The following GEMIN5 variants were observed in gnomAD, a reference collection of about 807,000 sequenced individuals.
The protein encoded by GEMIN5 is gem nuclear organelle associated protein 5, also known as gem-associated protein 5.
A neutral mutation model predicts 176.9 loss-of-function variants in GEMIN5; 124 were observed. The ratio of observed to expected loss-of-function variants is 0.70; its 90% CI spans 0.61 to 0.81. The LOEUF is 0.81. GEMIN5 is among the 40% of genes least tolerant of loss of function. The probability of loss-of-function intolerance (pLI) is 0.00; values close to 1 mark genes in which losing one functional copy is unlikely to be tolerated. For synonymous variants in GEMIN5, 673 were observed against 665.2 expected, an observed-to-expected ratio of 1.01 and a Z score of -0.18; for missense variants, 1,843 against 1,814.6, an observed-to-expected ratio of 1.02 and a Z score of -0.28.
At position 154,937,972 on chromosome 5, in the gene GEMIN5, A is replaced by C. The variant is rs1399801803; in HGVS notation, c.162T>G (p.Phe54Leu). The C allele has an allele frequency of 1.9e-6, 3 of 1,573,436 alleles. No homozygotes were observed. The highest frequency in any genetic ancestry group is 2.6e-6 in the Non-Finnish European group (3 of 1,162,220). Residue 54 changes from phenylalanine to leucine, a missense_variant, in exon 1 of 28, where the codon TTT (phenylalanine) becomes TTG (leucine). Phe to Leu is a conservative substitution (Grantham distance 22). Transcript: ENST00000285873. ...GAGESPGTPPFRVIGELVGHT... is the reference protein window; with the variant it reads ...GAGESPGTPPLRVIGELVGHT... ...GGCCCAAGGGTGGTGAGTTACCTCG[A>C]AACGGGGGTGTCCCTGGACTCTCGC... is the stretch of plus-strand genomic sequence containing the variant.
Position 154,937,198 on chromosome 5 carries a change from C to T in GEMIN5, c.167-13G>A. ...AACTCTCCTATGACTTTAAGCAAAA[C>T]CAGACGCTAGGTTAATCGAAGTGCT... On this transcript the variant is annotated splice_polypyrimidine_tract_variant and intron_variant, in intron 1 of 27. Transcript: ENST00000285873. 2 of 1,588,340 alleles carry T rather than the reference C, an allele frequency of 1.3e-6. No individual in the cohort carries two copies. The highest frequency in any genetic ancestry group is 1.1e-5 in the South Asian group (1 of 88,658).
At chr5:154,917,624 C>A (rs1156773927) in intron 12 of GEMIN5, among the ~76,000 whole-genome samples, 1 of 152,118 alleles carries the variant, frequency 6.6e-6, no homozygotes, top group Non-Finnish European at 1.5e-5. Flanking sequence ...AAAAGCATTT[C>A]TGACTAGGCT....
rs561853367 is a variant in GEMIN5, at chr5:154,898,421, G to A, written c.3345+19C>T. On this transcript the variant is annotated intron_variant, in intron 23 of 27. Transcript: ENST00000285873. Reference sequence around the variant, plus strand: ...GACACTTCCCTCTTGTATACTAGGAGATGAAATAACAGACTGACCTGTAGA... The same window carrying A: ...GACACTTCCCTCTTGTATACTAGGAAATGAAATAACAGACTGACCTGTAGA... The A allele has an allele frequency of 7.6e-6, 12 of 1,588,668 alleles. No homozygotes were observed. The East Asian group carries it at 2.2e-4, about 30-fold the overall frequency.
intron 22 of GEMIN5, 35 bp from the exon 23 acceptor site, chr5:154,898,685 C>A (rs1763407132): frequency 6.8e-7 from 1 of 1,472,322 alleles, no homozygotes; most frequent in Non-Finnish European, 9.5e-7. Flanking sequence ...GAAAATGTCA[C>A]AAACAGATTT....
At chr5:154,894,702 C>T (rs1470724585) in intron 24 of GEMIN5, among the ~76,000 whole-genome samples, 1 of 151,928 alleles carries the variant, frequency 6.6e-6, no homozygotes, top group Non-Finnish European at 1.5e-5. Flanking sequence ...GTCAGGAGTT[C>T]GAGACCAGCC....
At chr5:154,908,116 T>C (rs1018018649) in intron 15 of GEMIN5, among the ~76,000 whole-genome samples, 5 of 148,902 alleles carry the variant, frequency 3.4e-5, no homozygotes, top group Admixed American at 2.7e-4. Flanking sequence ...CACGATTCAC[T>C]ACTGCCACCT....
rs200453473 is a variant in GEMIN5, at chr5:154,891,257, T to G, written c.4246A>C (p.Ser1416Arg). 3.7e-4 allele frequency: 605 copies of G among 1,613,416 alleles called. 9 individuals are homozygous for G. In the South Asian group the frequency reaches 6.0e-3, roughly 16 times the overall value. Residue 1416 changes from serine (S) to arginine (R), a missense_variant, in exon 26 of 28, where the codon AGT becomes CGT. Transcript: ENST00000285873. ...PEVEAEQPLC[S>R]SQSQCKEEKN... ...AGTACTTACCACTGGCTCTGAGAAC[T>G]GCAGAGGGGCTGCTCTGCTTCTACT...
Position 154,928,643 on chromosome 5 carries a change from T to C in GEMIN5, c.798A>G (p.Lys266=). 1 of 1,614,006 alleles carries C rather than the reference T, an allele frequency of 6.2e-7. No individual in the cohort carries two copies. Among genetic ancestry groups the C allele is most frequent in the African/African-American group, 1.3e-5 (1 of 75,014 alleles). The stretch of plus-strand genomic sequence containing the variant: ...CTCCTCTTCTCTTCAGAAAGGGCAA[T>C]TTCAAAATCATCACCCCTGCAGATT... ...CSRGRGVMIL[K]LPFLKRRGGG... is the part of the protein sequence containing the mutation. The change falls in exon 6 of 28, where the codon AAA becomes AAG. Residue 266 remains lysine (K), a synonymous_variant. Coordinates refer to ENST00000285873, the MANE Select transcript of GEMIN5 (RefSeq NM_015465.5).
chr5:154,906,292 G>A lies in GEMIN5; in HGVS notation c.2396-816C>T, dbSNP rs535312664. Among the ~76,000 whole-genome samples, 69 of 152,216 alleles carry A rather than the reference G, an allele frequency of 4.5e-4. 1 individual carries two copies. The highest frequency in any genetic ancestry group is 1.4e-3 in the African/African-American group (59 of 41,534). ...ATTACAGGCATGAACCACCATGCCC[G>A]CCTTACTTTGAACTTTGACTAAGGA... On this transcript the variant is annotated intron_variant, in intron 16 of 27. Transcript: ENST00000285873.
In GEMIN5 at chr5:154,904,543, C is replaced by T. The variant is rs555023335; in HGVS notation, c.2596G>A (p.Asp866Asn). The change falls in exon 18 of 28, where the codon GAC (aspartate) becomes AAC (asparagine). Residue 866 changes from aspartate to asparagine, a missense_variant. Asp to Asn is a conservative substitution (Grantham distance 23). Coordinates refer to ENST00000285873, the MANE Select transcript of GEMIN5 (RefSeq NM_015465.5). ...TTTGCAGTTGCTAGTACCAAACAGT[C>T]CTGATGAAGCTCCTCTTTGGATCTG... is the stretch of plus-strand genomic sequence containing the variant. The part of the protein sequence containing the change: ...DHRSKEELHQ[D>N]CLVLATAKHS... The T allele has an allele frequency of 1.9e-6, 3 of 1,613,258 alleles. No homozygotes were observed. The highest frequency in any genetic ancestry group is 1.3e-5 in the African/African-American group (1 of 75,000).
Position 154,905,348 on chromosome 5 carries a change from T to C in GEMIN5, c.2509+15A>G. On this transcript the variant is annotated intron_variant, in intron 17 of 27. Coordinates refer to ENST00000285873, the MANE Select transcript of GEMIN5 (RefSeq NM_015465.5). ...GCTTTAACAAAATACTGTATTTTAA[T>C]TACTAGATACCAACCTGGCTTCTCT... 8.0e-7 allele frequency: 1 copy of C among 1,255,634 alleles called. No individual in the cohort carries two copies. The highest frequency in any genetic ancestry group is 1.2e-6 in the Non-Finnish European group (1 of 869,226). 77.8% of individuals were successfully genotyped at this position (1,255,634 alleles called of 1,614,324 possible).
chr5:154,906,770 C>CT (rs993118162), intron 16 of GEMIN5, among the ~76,000 whole-genome samples: 7 of 152,188 alleles, frequency 4.6e-5, no homozygotes, highest in Non-Finnish European at 1.0e-4. Context: ...AACTATGTGT[C>CT]TAACAGCTAT....
intron 18 of GEMIN5, among the ~76,000 whole-genome samples, chr5:154,904,123 C>T (rs917865179): frequency 6.6e-6 from 1 of 151,902 alleles, no homozygotes; most frequent in African/African-American, 2.4e-5. Context: ...ATATTATGAG[C>T]ATATTTCCAA....
intron 21 of GEMIN5, among the ~76,000 whole-genome samples, chr5:154,900,445 A>G (rs1317508580): frequency 6.6e-6 from 1 of 152,248 alleles, no homozygotes; most frequent in Non-Finnish European, 1.5e-5. Flanking sequence ...AAAACTGGAC[A>G]AAATGGCTGA....
rs1763847588 is a variant in GEMIN5 at position 154,917,996 on chromosome 5, C to T, written c.1608G>A (p.Leu536=). 3 of 1,608,384 alleles carry T rather than the reference C, an allele frequency of 1.9e-6. No homozygotes were observed. Among genetic ancestry groups the T allele is most frequent in the Non-Finnish European group, 2.6e-6 (3 of 1,175,134 alleles). ...TCCAACTTATCTCTGTGTGTACAGG[C>T]AATTTGTACTAGAAAGCAAAACAAA... ...IRDTNSIKYK[L]PVHTEISWKA... Residue 536 remains leucine, a synonymous_variant, in exon 12 of 28, where the codon TTG becomes TTA. Transcript: ENST00000285873.
intron 16 of GEMIN5, among the ~76,000 whole-genome samples, chr5:154,906,811 T>C (rs925700878): frequency 6.6e-6 from 1 of 152,244 alleles, no homozygotes; most frequent in African/African-American, 2.4e-5. Context: ...AGGAATGCCT[T>C]GTATCCTATA....
At chr5:154,898,889 G>A (rs1763410217) in intron 22 of GEMIN5, among the ~76,000 whole-genome samples, 1 of 152,156 alleles carries the variant, frequency 6.6e-6, no homozygotes, top group Admixed American at 6.5e-5. Context: ...TGACTCCTCT[G>A]TTGGGTTCAA....
In GEMIN5 at chr5:154,888,349, C is replaced by T; in HGVS notation, c.4388G>A (p.Cys1463Tyr). 1 of 1,614,076 alleles carries T rather than the reference C, an allele frequency of 6.2e-7. No homozygotes were observed. Among genetic ancestry groups the T allele is most frequent in the South Asian group, 1.1e-5 (1 of 91,076 alleles). Residue 1463 changes from cysteine (C) to tyrosine (Y), a missense_variant, in exon 28 of 28, where the codon TGC (cysteine) becomes TAC (tyrosine). Coordinates refer to ENST00000285873, the MANE Select transcript of GEMIN5 (RefSeq NM_015465.5). The part of the protein sequence containing the change: ...KAWPFPDVLE[C>Y]CLVLLLIRSH... ...CCTGATGAGAAGCAGGACGAGGCAG[C>T]ACTCCAGCACATCTGGGAAGGGCCA... is the stretch of plus-strand genomic sequence containing the variant.
At chr5:154,928,378 A>G in intron 6 of GEMIN5, 149 bp downstream of exon 6, 2 of 697,866 alleles carry the variant, frequency 2.9e-6, no homozygotes, top group Non-Finnish European at 5.0e-6. Context: ...CTGTTAGTAG[A>G]TAGCACAGGC....
Sources: gnomAD v4.1 joint callset for allele counts (sites outside exome capture counted in the v4.1 genomes callset) on GRCh38, gnomAD v4.1.1 for gene constraint, MANE v1.5 for transcripts, NCBI Gene and HGNC (gene_info 2026-07-23, HGNC 2026-07-21) for gene names.